SNX18: variants seen among roughly 807,000 people sequenced by gnomAD.
SNX18 encodes the protein sorting nexin 18, also known as sorting nexin-18.
SNX18 carries 35 observed loss-of-function variants against 48.7 expected under a neutral mutation model. The ratio of observed to expected loss-of-function variants is 0.72; its 90% confidence interval spans 0.55 to 0.95. The LOEUF is 0.95. SNX18 is among the 40% of genes least tolerant of loss of function. SNX18 has a pLI of 0.00. For missense variants in SNX18, 824 were observed against 871.0 expected (o/e 0.95, Z 0.68); for synonymous variants, 492 against 384.7 (o/e 1.28, Z -3.26).
At chr5:54,576,830 C>G in the SNX18 span, among the ~76,000 whole-genome samples, 1 of 152,126 alleles carries the variant, frequency 6.6e-6, no homozygotes. Flanking sequence ...GGAACAGAGT[C>G]TCACTCTGTC....
the SNX18 span, among the ~76,000 whole-genome samples, chr5:54,583,781 C>T: frequency 1.3e-5 from 2 of 152,240 alleles, no homozygotes; most frequent in Non-Finnish European, 2.9e-5. Context: ...CCTGTCCCTT[C>T]TTTGTGGACC....
the SNX18 span, among the ~76,000 whole-genome samples, chr5:54,634,876 G>A: frequency 1.3e-5 from 2 of 152,078 alleles, no homozygotes; most frequent in African/African-American, 2.4e-5. Context: ...ATTAATGTTT[G>A]TCAGCATACT....
At chr5:54,593,050 C>T in the SNX18 span, among the ~76,000 whole-genome samples, 16 of 152,300 alleles carry the variant, frequency 1.1e-4, no homozygotes, top group African/African-American at 3.6e-4. Context: ...ATCCACACGC[C>T]TCAGCCTCCC....
At chr5:54,617,042 T>C in the SNX18 span, among the ~76,000 whole-genome samples, 1 of 152,006 alleles carries the variant, frequency 6.6e-6, no homozygotes, top group South Asian at 2.1e-4. Flanking sequence ...ATGAAGGAGG[T>C]CTCTTGATTT....
the SNX18 span, among the ~76,000 whole-genome samples, chr5:54,609,945 T>C: frequency 1.3e-5 from 2 of 151,956 alleles, no homozygotes; most frequent in African/African-American, 4.8e-5. Flanking sequence ...TCTCGTGAGA[T>C]CTGGTCATTT....
the SNX18 span, among the ~76,000 whole-genome samples, chr5:54,607,343 T>TA: frequency 6.6e-6 from 1 of 151,958 alleles, no homozygotes; most frequent in Non-Finnish European, 1.5e-5. Context: ...CCTGCTCTCT[T>TA]ACGCTGTTTT....
At chr5:54,530,744 A>ACTTTTTTTTTT (rs760447927) in intron 1 of SNX18, among the ~76,000 whole-genome samples, 1 of 72,520 alleles carries the variant, frequency 1.4e-5, no homozygotes, top group Non-Finnish European at 2.3e-5. Flanking sequence ...AACCACAGAA[A>ACTTTTTTTTTT]TTTTTTTTTT....
intron 1 of SNX18, among the ~76,000 whole-genome samples, chr5:54,533,181 CTT>C (rs1762283265): frequency 6.6e-6 from 1 of 152,076 alleles, no homozygotes; most frequent in South Asian, 2.1e-4. Flanking sequence ...CAAAAGTTCT[CTT>C]TGTCATTTAT....
intron 1 of SNX18, among the ~76,000 whole-genome samples, chr5:54,523,149 C>A (rs527887609): frequency 2.6e-5 from 4 of 152,240 alleles, no homozygotes; most frequent in South Asian, 2.1e-4. Flanking sequence ...TGACATGTAA[C>A]CCCTGTGGTC....
At chr5:54,566,633 G>A in the SNX18 span, among the ~76,000 whole-genome samples, 4 of 152,196 alleles carry the variant, frequency 2.6e-5, no homozygotes, top group South Asian at 2.1e-4. Flanking sequence ...GGGAATCCAA[G>A]GTTCCTTCCA....
chr5:54,602,604 G>A, the SNX18 span, among the ~76,000 whole-genome samples: 1 of 152,154 alleles, frequency 6.6e-6, no homozygotes, highest in African/African-American at 2.4e-5. Flanking sequence ...AGAGACTGAG[G>A]CAAGTGTCAG....
the SNX18 span, among the ~76,000 whole-genome samples, chr5:54,578,763 T>C: frequency 6.6e-6 from 1 of 152,152 alleles, no homozygotes; most frequent in African/African-American, 2.4e-5. Context: ...CCCGGATCCT[T>C]AGGATAAATT....
rs142046953 is a variant in SNX18 at position 54,519,456 on chromosome 5, G to A, written c.1504G>A (p.Ala502Thr). The change falls in exon 1 of 2, where the codon GCC becomes ACC. Residue 502 changes from alanine (A) to threonine (T), a missense_variant. Transcript: ENST00000381410. ...CGCCTTCACCGGAGATGCCTATGAC[G>A]CCATTGGCGAGCTCTTCGCGGAGCA... Reference protein sequence around the residue: ...AIAFTGDAYDAIGELFAEQPR... With the variant: ...AIAFTGDAYDTIGELFAEQPR... The A allele has an allele frequency of 8.1e-6, 13 of 1,614,072 alleles. No homozygotes were observed. The highest frequency in any genetic ancestry group is 1.3e-5 in the African/African-American group (1 of 74,944).
chr5:54,636,804 C>A, the SNX18 span, among the ~76,000 whole-genome samples: 3 of 152,186 alleles, frequency 2.0e-5, no homozygotes, highest in Non-Finnish European at 4.4e-5. Context: ...CTTTAGAACT[C>A]ACTTACTCCT....
chr5:54,551,139 A>G (rs1303836603), downstream of SNX18, among the ~76,000 whole-genome samples: 6 of 152,138 alleles, frequency 3.9e-5, no homozygotes, highest in East Asian at 1.2e-3. Flanking sequence ...CTCTGTGCCA[A>G]CCCCTTCGAG....
chr5:54,630,577 T>TA, the SNX18 span, among the ~76,000 whole-genome samples: 4 of 152,248 alleles, frequency 2.6e-5, no homozygotes, highest in South Asian at 8.3e-4. Context: ...CTCATGCTTG[T>TA]AATCCCAGCA....
At position 54,543,523 on chromosome 5, in the gene SNX18, C is replaced by G; in HGVS notation, c.*91C>G. On this transcript the variant is annotated 3_prime_UTR_variant, in exon 2 of 2. Coordinates refer to ENST00000381410, the MANE Select transcript of SNX18 (RefSeq NM_001102575.2). ...CTGTCAAAGAGCTATTGCCAGCTAT[C>G]AGTGGTGGTACAAGGACGGTTTTGT... 1.4e-6 allele frequency: 2 copies of G among 1,476,502 alleles called. No homozygotes were observed. The highest frequency in any genetic ancestry group is 9.2e-7 in the Non-Finnish European group (1 of 1,086,258). The allele number at this position is 1,476,502 out of a possible 1,614,324, so 91.5% of individuals were successfully genotyped here.
chr5:54,614,137 T>C, the SNX18 span, among the ~76,000 whole-genome samples: 1 of 152,234 alleles, frequency 6.6e-6, no homozygotes, highest in Non-Finnish European at 1.5e-5. Flanking sequence ...TTAAAATGTT[T>C]TGATAAAGAT....
chr5:54,547,484 C>T (rs1337572089), downstream of SNX18, among the ~76,000 whole-genome samples: 1 of 152,186 alleles, frequency 6.6e-6, no homozygotes, highest in Admixed American at 6.5e-5. Context: ...CTAACATCTT[C>T]CCAAGTCTCC....
Sources: allele counts gnomAD v4.1 joint callset (sites outside exome capture counted in the v4.1 genomes callset), GRCh38; gene constraint gnomAD v4.1.1; transcripts MANE v1.5; gene names NCBI Gene and HGNC (gene_info 2026-07-23, HGNC 2026-07-21).